LINGO2: variants seen among roughly 807,000 people sequenced by gnomAD.
The protein encoded by LINGO2 is leucine rich repeat and Ig domain containing 2.
LINGO2 carries 14 observed loss-of-function variants against 30.6 expected under a neutral mutation model. That is an observed-to-expected ratio of 0.46 (90% CI 0.30 to 0.72). LINGO2 has a LOEUF of 0.72. LINGO2 is among the 30% of genes least tolerant of loss of function. LINGO2 has a pLI of 0.07. For missense variants in LINGO2, 729 were observed against 751.7 expected (o/e 0.97, Z 0.35); for synonymous variants, 317 against 288.5 (o/e 1.10, Z -1.00).
chr9:29,045,914 G>C, the LINGO2 span, among the ~76,000 whole-genome samples: 3 of 152,032 alleles, frequency 2.0e-5, no homozygotes, highest in Non-Finnish European at 4.4e-5. Context: ...ATTGTGAATG[G>C]GATTGTGTTT....
chr9:28,106,645 C>T (rs1232530770), intron 4 of LINGO2, among the ~76,000 whole-genome samples: 1 of 152,160 alleles, frequency 6.6e-6, no homozygotes, highest in African/African-American at 2.4e-5. Context: ...ACAGCCTCCT[C>T]ATCCCACCAC....
At chr9:29,029,078 C>A in the LINGO2 span, among the ~76,000 whole-genome samples, 65 of 152,198 alleles carry the variant, frequency 4.3e-4, no homozygotes, top group Non-Finnish European at 6.5e-4. Flanking sequence ...ATTGCTTCCA[C>A]AATACTTGTC....
chr9:28,493,436 CA>C (rs1243959151), intron 1 of LINGO2, among the ~76,000 whole-genome samples: 2 of 152,058 alleles, frequency 1.3e-5, no homozygotes, highest in Non-Finnish European at 2.9e-5. Context: ...CCACAGACAT[CA>C]AAAGAAGACA....
intron 4 of LINGO2, among the ~76,000 whole-genome samples, chr9:28,288,204 A>G (rs1823588088): frequency 6.6e-6 from 1 of 152,186 alleles, no homozygotes; most frequent in South Asian, 2.1e-4. Context: ...CAGTCTAGCC[A>G]CTACCGATAC....
the LINGO2 span, among the ~76,000 whole-genome samples, chr9:28,972,683 A>G: frequency 1.3e-5 from 2 of 152,180 alleles, no homozygotes; most frequent in Non-Finnish European, 2.9e-5. Flanking sequence ...TAATTTATAA[A>G]GAGAAAGAGG....
chr9:29,117,429 A>C, the LINGO2 span, among the ~76,000 whole-genome samples: 7 of 152,204 alleles, frequency 4.6e-5, no homozygotes, highest in Non-Finnish European at 1.0e-4. Flanking sequence ...AAGAAATGTT[A>C]AGTCAGCTTC....
the LINGO2 span, among the ~76,000 whole-genome samples, chr9:28,964,435 G>C: frequency 1.9e-3 from 285 of 151,980 alleles, 1 homozygote; most frequent in African/African-American, 6.5e-3. Context: ...AAATATTGAG[G>C]CAAGAAGCAT....
chr9:28,969,139 T>C, the LINGO2 span, among the ~76,000 whole-genome samples: 1 of 152,122 alleles, frequency 6.6e-6, no homozygotes, highest in East Asian at 1.9e-4. Context: ...AAGCATAGCA[T>C]AGTAGTAAAT....
chr9:28,991,241 G>T, the LINGO2 span, among the ~76,000 whole-genome samples: 1 of 151,514 alleles, frequency 6.6e-6, no homozygotes, highest in Non-Finnish European at 1.5e-5. Context: ...GAGCCGACGC[G>T]ATCAACTGGA....
intron 1 of LINGO2, among the ~76,000 whole-genome samples, chr9:28,547,173 G>C (rs1459388856): frequency 2.0e-5 from 3 of 152,088 alleles, no homozygotes; most frequent in Non-Finnish European, 2.9e-5. Context: ...TTACCAGCTA[G>C]TTTATTTGTG....
At chr9:29,129,188 T>C in the LINGO2 span, among the ~76,000 whole-genome samples, 5 of 152,102 alleles carry the variant, frequency 3.3e-5, no homozygotes, top group African/African-American at 1.2e-4. Context: ...CAAAAATACC[T>C]ATGTATTTAC....
chr9:29,211,262 C>G, the LINGO2 span, among the ~76,000 whole-genome samples: 1 of 152,066 alleles, frequency 6.6e-6, no homozygotes, highest in Admixed American at 6.6e-5. Flanking sequence ...GTAATCACAC[C>G]AAGCAAACAC....
chr9:28,381,318 T>G (rs1443557399), intron 2 of LINGO2, among the ~76,000 whole-genome samples: 1 of 152,060 alleles, frequency 6.6e-6, no homozygotes, highest in Admixed American at 6.6e-5. Context: ...CTGTGGGTAT[T>G]TGGGTGCCAG....
the LINGO2 span, among the ~76,000 whole-genome samples, chr9:28,839,849 T>C: frequency 6.6e-6 from 1 of 152,126 alleles, no homozygotes; most frequent in Admixed American, 6.5e-5. Flanking sequence ...CCTGCTGGGG[T>C]GCATGGTGCC....
intron 1 of LINGO2, among the ~76,000 whole-genome samples, chr9:28,570,298 C>A (rs1823619881): frequency 6.6e-6 from 1 of 151,752 alleles, no homozygotes; most frequent in African/African-American, 2.4e-5. Context: ...GAAAGTTTGT[C>A]TATATGACAT....
chr9:29,016,903 T>C, the LINGO2 span, among the ~76,000 whole-genome samples: 1 of 152,162 alleles, frequency 6.6e-6, no homozygotes, highest in Non-Finnish European at 1.5e-5. Flanking sequence ...TTTTCTTCTG[T>C]AGCTTGTTCA....
chr9:29,098,471 G>GCA, the LINGO2 span, among the ~76,000 whole-genome samples: 23,332 of 150,262 alleles, frequency 0.16, 1,850 homozygotes, highest in East Asian at 0.34. Context: ...ACACATATGC[G>GCA]CACACACACA....
At chr9:28,320,058 T>C (rs2134294861) in intron 3 of LINGO2, among the ~76,000 whole-genome samples, 1 of 152,270 alleles carries the variant, frequency 6.6e-6, no homozygotes, top group East Asian at 1.9e-4. Context: ...GAATTCCAGC[T>C]ATACGAATAT....
chr9:28,724,518 C>A, the LINGO2 span, among the ~76,000 whole-genome samples: 3 of 152,110 alleles, frequency 2.0e-5, no homozygotes, highest in Non-Finnish European at 4.4e-5. Context: ...ACCTCTCATT[C>A]CCTTGGGGTA....
Sources: allele counts gnomAD v4.1 joint callset (sites outside exome capture counted in the v4.1 genomes callset), GRCh38; gene constraint gnomAD v4.1.1; transcripts MANE v1.5; gene names NCBI Gene and HGNC (gene_info 2026-07-23, HGNC 2026-07-21).